Variants in C6orf62 observed in about 807,000 individuals in gnomAD.
C6orf62 encodes chromosome 6 open reading frame 62.
C6orf62 carries 16 observed loss-of-function variants against 26.8 expected under a neutral mutation model. The ratio of observed to expected loss-of-function variants is 0.60; its 90% CI spans 0.40 to 0.91. The LOEUF is 0.91. Among genes scored for constraint, C6orf62 ranks in the 40% least tolerant of loss-of-function variants. C6orf62 has a pLI of 0.00. For missense variants in C6orf62, 192 were observed against 271.4 expected, an observed-to-expected ratio of 0.71 and a Z score of 2.06; for synonymous variants, 112 against 91.5, an observed-to-expected ratio of 1.22 and a Z score of -1.28.
Position 24,714,405 on chromosome 6 carries a change from A to T in C6orf62, c.342T>A (p.Ile114=). ...TTTCAATATCATTCCGAGGCCAAAG[A>T]ATGAAATCCATCTCCTGAGTACAGC... The part of the protein sequence containing the change: ...VIGCTQEMDF[I]LWPRNDIEKI... Residue 114 remains isoleucine (I), a synonymous_variant, in exon 3 of 5, where the codon ATT becomes ATA. Transcript: ENST00000378119. 6.2e-7 allele frequency: 1 copy of T among 1,611,328 alleles called. No homozygotes were observed. The highest frequency in any genetic ancestry group is 8.5e-7 in the Non-Finnish European group (1 of 1,178,332).
chr6:24,719,937 G>T, upstream of C6orf62: 2 of 1,550,466 alleles, frequency 1.3e-6, no homozygotes, highest in Non-Finnish European at 1.7e-6. Flanking sequence ...GGGTGGAGTG[G>T]GCGGGAGAGG....
chr6:24,709,104 T>C (rs1779071202), intron 3 of C6orf62, 193 bp from the exon 4 acceptor site: 4 of 982,880 alleles, frequency 4.1e-6, no homozygotes, highest in Non-Finnish European at 4.8e-6. Context: ...AATTTACAAT[T>C]CCATTCTTCA....
At position 24,708,186 on chromosome 6, in the gene C6orf62, T is replaced by C. The variant is rs181085476; in HGVS notation, c.564+591A>G. On this transcript the variant is annotated intron_variant, in intron 4 of 4. Coordinates refer to ENST00000378119, the MANE Select transcript of C6orf62 (RefSeq NM_030939.5). ...ATCTGGTAGACACGCTTTAGGGCAA[T>C]AGTTCTCACTACTGTTCACTAGAAT... is the stretch of plus-strand genomic sequence containing the variant. Among the ~76,000 whole-genome samples, 22 of 151,532 alleles carry C rather than the reference T, an allele frequency of 1.5e-4. No homozygotes were observed. In the East Asian group the frequency reaches 2.1e-3, roughly 15 times the overall value.
chr6:24,720,013 G>GGGCGCC, upstream of C6orf62: 1 of 1,479,412 alleles, frequency 6.8e-7, no homozygotes, highest in Non-Finnish European at 9.0e-7. Flanking sequence ...TCTAAAGTAA[G>GGGCGCC]CCCACCCACC....
Position 24,707,426 on chromosome 6 carries a change from G to A in C6orf62, c.565-1164C>T, listed in dbSNP as rs77533541. Among the ~76,000 whole-genome samples the A allele has an allele frequency of 8.6e-3, 1,302 of 151,582 alleles. 27 individuals carry two copies. Among genetic ancestry groups the A allele is most frequent in the African/African-American group, 0.03 (1,225 of 41,288 alleles). ...CAGGCAGGAGTGTGTTGGTGCCATG[G>A]CTCACTGCAACTCTAAACTCCTGGG... On this transcript the variant is annotated intron_variant, in intron 4 of 4. Coordinates refer to ENST00000378119, the MANE Select transcript of C6orf62 (RefSeq NM_030939.5).
Position 24,718,593 on chromosome 6 carries a change from G to A in C6orf62, c.76C>T (p.Leu26=), listed in dbSNP as rs1260240613. Residue 26 remains leucine, a synonymous_variant, in exon 1 of 5, where the codon CTA becomes TTA. Coordinates refer to ENST00000378119, the MANE Select transcript of C6orf62 (RefSeq NM_030939.5). Reference sequence around the variant, plus strand: ...ATCTTGAAGTCAAACTGGTCAGCTAGAGATTCTTTTTTCTTTCTAAGCTGA... The same window carrying A: ...ATCTTGAAGTCAAACTGGTCAGCTAAAGATTCTTTTTTCTTTCTAAGCTGA... ...RAQLRKKKES[L]ADQFDFKMYI... is the part of the protein sequence containing the mutation. 6.2e-7 allele frequency: 1 copy of A among 1,614,022 alleles called. No individual in the cohort carries two copies.
At chr6:24,714,464 A>AG (rs772563418) in intron 2 of C6orf62, 24 bp from the exon 3 acceptor site, 1 of 1,542,586 alleles carries the variant, frequency 6.5e-7, no homozygotes. Context: ...AAAAAAAAAA[A>AG]AGTTTACTTT....
Position 24,705,231 on chromosome 6 carries a change from T to C in C6orf62, c.*906A>G, listed in dbSNP as rs988962142. 6.6e-6 allele frequency: 1 copy of C among 152,630 alleles called. No homozygotes were observed. Among genetic ancestry groups the C allele is most frequent in the African/African-American group, 2.4e-5 (1 of 41,450 alleles). 9.5% of individuals were successfully genotyped at this position (152,630 alleles called of 1,614,324 possible). A position where few individuals can be genotyped will look rare whatever the true frequency, so the allele number is the denominator to read the frequency against. On this transcript the variant is annotated 3_prime_UTR_variant, in exon 5 of 5. Transcript: ENST00000378119. ...CAAAACACCCTTGTAAAGTTTTTCT[T>C]TAGGATGGTGTAAAAACCAGCATTT...
Position 24,709,424 on chromosome 6 carries a change from AAAT to A in C6orf62, c.430-516_430-514del, listed in dbSNP as rs533302976. 74 of 984,828 alleles carry A rather than the reference AAAT, an allele frequency of 7.5e-5. No homozygotes were observed. In the African/African-American group the frequency reaches 1.2e-3, roughly 16 times the overall value. The allele number at this position is 984,828 out of a possible 1,614,324, so 61.0% of individuals were successfully genotyped here. On this transcript the variant is annotated intron_variant, in intron 3 of 4. Coordinates refer to ENST00000378119, the MANE Select transcript of C6orf62 (RefSeq NM_030939.5). ...AATTGCTGTTTCTAAGAAAAAAAAA[AAAT>A]AAATCTGTTTATTCTAACCCTAGCT...
rs1171656246 is a variant in C6orf62, at chr6:24,705,272, G to T, written c.*865C>A. ...ACCAGCATTTCTGCACAATTCACTG[G>T]AATTTTTTTCTTTGTAATAAAAATC... On this transcript the variant is annotated 3_prime_UTR_variant, in exon 5 of 5. Coordinates refer to ENST00000378119, the MANE Select transcript of C6orf62 (RefSeq NM_030939.5). 1 of 152,356 alleles carries T rather than the reference G, an allele frequency of 6.6e-6. No individual in the cohort carries two copies. Among genetic ancestry groups the T allele is most frequent in the Non-Finnish European group, 1.5e-5 (1 of 67,974 alleles). 9.4% of individuals were successfully genotyped at this position (152,356 alleles called of 1,614,324 possible). A position where few individuals can be genotyped will look rare whatever the true frequency, so the allele number is the denominator to read the frequency against.
upstream of C6orf62, chr6:24,719,178 CACCAAAACCAAA>C (rs142202740): frequency 7.1e-5 from 65 of 918,892 alleles, no homozygotes; most frequent in African/African-American, 4.2e-4. Flanking sequence ...AAAAAAAACT[CACCAAAACCAAA>C]ACCAAAACCA....
At chr6:24,719,704 C>T (rs992205707), upstream of C6orf62, 12 of 1,491,230 alleles carry the variant, frequency 8.0e-6, no homozygotes, top group African/African-American at 9.8e-5. Flanking sequence ...TGCCCCCGTT[C>T]AAAATGGTGG....
chr6:24,713,420 TAC>T (rs986374499), intron 3 of C6orf62, among the ~76,000 whole-genome samples: 3 of 152,204 alleles, frequency 2.0e-5, no homozygotes, highest in African/African-American at 7.2e-5. Flanking sequence ...TATCAATTTA[TAC>T]AGTCTGTGAA....
chr6:24,708,530 G>T (rs942578501), intron 4 of C6orf62, among the ~76,000 whole-genome samples: 2 of 152,010 alleles, frequency 1.3e-5, no homozygotes, highest in Non-Finnish European at 2.9e-5. Flanking sequence ...TAGAGATGGG[G>T]TTTCGTCATG....
intron 4 of C6orf62, among the ~76,000 whole-genome samples, chr6:24,707,933 C>T (rs1470826920): frequency 2.0e-5 from 3 of 151,842 alleles, no homozygotes; most frequent in East Asian, 1.9e-4. Flanking sequence ...ATGGCGTGAA[C>T]CCGGAAGGTG....
intron 3 of C6orf62, among the ~76,000 whole-genome samples, chr6:24,712,949 C>A (rs1779151278): frequency 6.6e-6 from 1 of 152,194 alleles, no homozygotes; most frequent in African/African-American, 2.4e-5. Flanking sequence ...GAGTTATCAG[C>A]CCTGCGCTGA....
chr6:24,714,297 T>TCA, intron 3 of C6orf62, 21 bp downstream of exon 3: 1 of 1,588,410 alleles, frequency 6.3e-7, no homozygotes, highest in Non-Finnish European at 8.5e-7. Context: ...GAAATACTCA[T>TCA]CACACTTTAG....
chr6:24,709,024 C>T (rs1300166469), intron 3 of C6orf62, 113 bp from the exon 4 acceptor site: 15 of 1,491,272 alleles, frequency 1.0e-5, no homozygotes, highest in South Asian at 1.4e-5. Context: ...GTTATCTTTT[C>T]CTCTTTAAAA....
chr6:24,717,037 T>A (rs1406371554), intron 1 of C6orf62, among the ~76,000 whole-genome samples: 1 of 152,110 alleles, frequency 6.6e-6, no homozygotes, highest in Non-Finnish European at 1.5e-5. Context: ...CCATCAATAT[T>A]TGAAAGACTA....
Sources: allele counts gnomAD v4.1 joint callset (sites outside exome capture counted in the v4.1 genomes callset), GRCh38; gene constraint gnomAD v4.1.1; transcripts MANE v1.5; gene names NCBI Gene and HGNC (gene_info 2026-07-23, HGNC 2026-07-21).